Variants in DCC observed in about 807,000 individuals in gnomAD.
The protein encoded by DCC is DCC netrin 1 receptor.
Under a neutral mutation model 172.5 loss-of-function variants are expected in DCC, and 58 were observed. That is an observed-to-expected ratio of 0.34 (90% CI 0.27 to 0.42). DCC has a LOEUF of 0.42. Among genes scored for constraint, DCC ranks in the 10% least tolerant of loss-of-function variants. The pLI, the probability that DCC is intolerant of heterozygous loss-of-function variation, is 1.00. For missense variants in DCC, 1,740 were observed against 1,791.0 expected (o/e 0.97, Z 0.51); for synonymous variants, 709 against 644.5 (o/e 1.10, Z -1.52).
chr18:52,639,294 G>C (rs145016375), intron 1 of DCC, among the ~76,000 whole-genome samples: 3 of 151,926 alleles, frequency 2.0e-5, no homozygotes, highest in African/African-American at 7.2e-5. Flanking sequence ...AAGCAGAAGA[G>C]AGGAAATAAC....
intron 21 of DCC, among the ~76,000 whole-genome samples, chr18:53,420,618 G>A (rs895507781): frequency 6.6e-6 from 1 of 152,126 alleles, no homozygotes. Flanking sequence ...TCTTCCCGTG[G>A]TGGAGAGTGA....
intron 3 of DCC, among the ~76,000 whole-genome samples, chr18:52,909,195 CTCTG>C (rs1458056729): frequency 6.6e-6 from 1 of 152,120 alleles, no homozygotes; most frequent in African/African-American, 2.4e-5. Context: ...AATTTTCACT[CTCTG>C]TAAGTACCAA....
intron 2 of DCC, among the ~76,000 whole-genome samples, chr18:52,875,163 C>T (rs556942811): frequency 6.6e-6 from 1 of 152,082 alleles, no homozygotes; most frequent in Non-Finnish European, 1.5e-5. Context: ...TTTCTCACCA[C>T]CCAGAAAGGC....
chr18:52,531,556 T>C (rs995655960), intron 1 of DCC, among the ~76,000 whole-genome samples: 3 of 152,242 alleles, frequency 2.0e-5, no homozygotes, highest in African/African-American at 7.2e-5. Flanking sequence ...TTTCATACTA[T>C]CTTCCTTCTT....
chr18:53,409,958 T>G (rs1254481331), intron 19 of DCC, among the ~76,000 whole-genome samples: 2 of 152,224 alleles, frequency 1.3e-5, no homozygotes, highest in African/African-American at 4.8e-5. Context: ...ACACCGCCCC[T>G]GGCAACCTCA....
At chr18:52,873,799 A>T (rs1301923066) in intron 2 of DCC, among the ~76,000 whole-genome samples, 2 of 152,186 alleles carry the variant, frequency 1.3e-5, no homozygotes, top group Admixed American at 1.3e-4. Context: ...AGTATAGATG[A>T]GGGAAGGAAA....
At chr18:52,532,383 C>T (rs904525550) in intron 1 of DCC, among the ~76,000 whole-genome samples, 8 of 152,000 alleles carry the variant, frequency 5.3e-5, no homozygotes, top group African/African-American at 1.9e-4. Flanking sequence ...TAAAATTTTA[C>T]CAAAATAAGT....
rs71175556 is a variant in DCC, at chr18:53,131,953, ATTTTTTTTTTTTTTT to A, written c.1262-25386_1262-25372del. Among the ~76,000 whole-genome samples the A allele has an allele frequency of 2.3e-3, 132 of 58,288 alleles. 4 individuals carry two copies. The highest frequency in any genetic ancestry group is 2.7e-3 in the Non-Finnish European group (87 of 32,354). 38.2% of individuals were successfully genotyped at this position (58,288 alleles called of 152,430 possible). ...AACATGGTATCATTGTCTCTAAGTG[ATTTTTTTTTTTTTTT>A]TTTTTTTTTTTTTTTTAGCTATATT... On this transcript the variant is annotated intron_variant, in intron 7 of 28. Coordinates refer to ENST00000442544, the MANE Select transcript of DCC (RefSeq NM_005215.4).
intron 5 of DCC, among the ~76,000 whole-genome samples, chr18:52,947,237 T>G (rs1361753780): frequency 1.3e-5 from 2 of 152,220 alleles, no homozygotes; most frequent in African/African-American, 4.8e-5. Flanking sequence ...CAAAACATCT[T>G]TAATTTGTAA....
At chr18:52,897,656 T>C (rs2039750270) in intron 2 of DCC, among the ~76,000 whole-genome samples, 2 of 152,212 alleles carry the variant, frequency 1.3e-5, no homozygotes, top group Non-Finnish European at 2.9e-5. Flanking sequence ...TTTCTTTCCC[T>C]TTGACATCCT....
chr18:52,586,514 T>C (rs1281109308), intron 1 of DCC, among the ~76,000 whole-genome samples: 2 of 152,178 alleles, frequency 1.3e-5, no homozygotes, highest in African/African-American at 4.8e-5. Flanking sequence ...GTGGCAATCT[T>C]AACTTCCAGT....
intron 1 of DCC, among the ~76,000 whole-genome samples, chr18:52,743,345 G>A (rs941587360): frequency 6.6e-6 from 1 of 152,154 alleles, no homozygotes; most frequent in Non-Finnish European, 1.5e-5. Context: ...AGGGAAGAAG[G>A]CTCAAACCCA....
intron 1 of DCC, among the ~76,000 whole-genome samples, chr18:52,458,824 G>A (rs1410116195): frequency 6.6e-6 from 1 of 152,164 alleles, no homozygotes; most frequent in East Asian, 1.9e-4. Flanking sequence ...CTCCTTTAGA[G>A]TTAGATTAGC....
At chr18:53,504,340 A>G (rs2046142384) in intron 27 of DCC, among the ~76,000 whole-genome samples, 1 of 152,204 alleles carries the variant, frequency 6.6e-6, no homozygotes, top group African/African-American at 2.4e-5. Flanking sequence ...GACATCCTTT[A>G]GAAGGTGACA....
intron 1 of DCC, among the ~76,000 whole-genome samples, chr18:52,691,465 G>C (rs1033857478): frequency 4.6e-5 from 7 of 152,198 alleles, no homozygotes; most frequent in African/African-American, 1.7e-4. Flanking sequence ...ACTCCTTCTG[G>C]AGGCTTTAGA....
At chr18:52,398,369 T>G (rs752937818) in intron 1 of DCC, among the ~76,000 whole-genome samples, 1 of 152,066 alleles carries the variant, frequency 6.6e-6, no homozygotes, top group Non-Finnish European at 1.5e-5. Context: ...CACTCTCATC[T>G]GTGGGTTTTT....
chr18:52,529,283 G>A (rs1195967751), intron 1 of DCC, among the ~76,000 whole-genome samples: 3 of 151,982 alleles, frequency 2.0e-5, no homozygotes, highest in African/African-American at 7.2e-5. Flanking sequence ...GTGTTTTTTG[G>A]TTTGTTTGTT....
intron 2 of DCC, among the ~76,000 whole-genome samples, chr18:52,762,304 T>C (rs1023160019): frequency 6.6e-6 from 1 of 151,482 alleles, no homozygotes; most frequent in African/African-American, 2.4e-5. Flanking sequence ...GAGACCACTG[T>C]CTCTACAAAA....
intron 11 of DCC, among the ~76,000 whole-genome samples, chr18:53,208,123 T>A (rs894778904): frequency 7.4e-5 from 11 of 149,276 alleles, no homozygotes; most frequent in East Asian, 3.9e-4. Context: ...TTTTTTTTTT[T>A]AATTAACTGG....
Sources: gnomAD v4.1 joint callset for allele counts (sites outside exome capture counted in the v4.1 genomes callset) on GRCh38, gnomAD v4.1.1 for gene constraint, MANE v1.5 for transcripts, NCBI Gene and HGNC (gene_info 2026-07-23, HGNC 2026-07-21) for gene names.